Variants in FUBP3 observed in about 807,000 individuals in gnomAD.
FUBP3 encodes the protein far upstream element binding protein 3.
Under a neutral mutation model 85.6 loss-of-function variants are expected in FUBP3, and 28 were observed. The ratio of observed to expected loss-of-function variants is 0.33; its 90% CI spans 0.24 to 0.45. The LOEUF (loss-of-function observed/expected upper bound fraction) is 0.45, where lower values mean the gene tolerates loss of function less well. FUBP3 is among the 20% of genes least tolerant of loss of function. FUBP3 has a pLI of 1.00. For missense variants in FUBP3, 583 were observed against 755.1 expected (o/e 0.77, Z 2.67); for synonymous variants, 271 against 271.4 (o/e 1.00, Z 0.01).
chr9:130,609,948 C>T lies in FUBP3; in HGVS notation c.191-6C>T. ...GATTTTTTTTTTCTCTTTCTCTTTG[C>T]CACAGTAGGTAACCAGTTAGGGGCC... On this transcript the variant is annotated splice_region_variant and splice_polypyrimidine_tract_variant and intron_variant, in intron 2 of 18. Transcript: ENST00000319725. 6.2e-7 allele frequency: 1 copy of T among 1,605,468 alleles called. No homozygotes were observed. Among genetic ancestry groups the T allele is most frequent in the Non-Finnish European group, 8.5e-7 (1 of 1,173,178 alleles).
chr9:130,589,956 T>C (rs1830545432), intron 1 of FUBP3, among the ~76,000 whole-genome samples: 1 of 145,326 alleles, frequency 6.9e-6, no homozygotes, highest in African/African-American at 2.6e-5. Context: ...GCTCAAACGA[T>C]CCTCCTACCC....
At chr9:130,624,074 C>T (rs1829867370) in intron 11 of FUBP3, among the ~76,000 whole-genome samples, 1 of 152,178 alleles carries the variant, frequency 6.6e-6, no homozygotes, top group Non-Finnish European at 1.5e-5. Context: ...ACTTCAGGGT[C>T]CTCCAAAGTC....
chr9:130,630,539 C>T lies in FUBP3; in HGVS notation c.1118-89C>T, dbSNP rs1279455755. The T allele has an allele frequency of 1.4e-5, 15 of 1,048,948 alleles. No homozygotes were observed. The Admixed American group carries it at 2.5e-4, about 17-fold the overall frequency. The allele number at this position is 1,048,948 out of a possible 1,614,324, so 65.0% of individuals were successfully genotyped here. ...AGTGCCGACGTGCACAAAATCCCCC[C>T]GAGTTGTCTTCTGGAGCCAAGTGCC... is the stretch of plus-strand genomic sequence containing the variant. On this transcript the variant is annotated intron_variant, in intron 12 of 18. Coordinates refer to ENST00000319725, the MANE Select transcript of FUBP3 (RefSeq NM_003934.2).
intron 18 of FUBP3, among the ~76,000 whole-genome samples, chr9:130,636,609 T>G (rs1378575177): frequency 6.6e-6 from 1 of 152,218 alleles, no homozygotes; most frequent in Non-Finnish European, 1.5e-5. Flanking sequence ...CCTAGAGGGT[T>G]CTGTTCAGAG....
rs996512928 is a variant in FUBP3 at position 130,612,229 on chromosome 9, C to A, written c.225-227C>A. Among the ~76,000 whole-genome samples, 1 of 152,150 alleles carries A rather than the reference C, an allele frequency of 6.6e-6. No individual in the cohort carries two copies. Among genetic ancestry groups the A allele is most frequent in the African/African-American group, 2.4e-5 (1 of 41,428 alleles). ...TTTCATGAAAACCCTGAGGTTTCTT[C>A]CTCTGACAAAAGGAGATGAAAGGCT... On this transcript the variant is annotated intron_variant, in intron 3 of 18. Transcript: ENST00000319725. The surrounding 1 kb of genome is among the most constrained non-coding windows in gnomAD (Gnocchi z 4.1).
At chr9:130,614,677 G>C (rs1831911899) in intron 6 of FUBP3, among the ~76,000 whole-genome samples, 1 of 152,148 alleles carries the variant, frequency 6.6e-6, no homozygotes, top group African/African-American at 2.4e-5. Context: ...AGCAGGTCTG[G>C]ATTAGTAAGC....
intron 12 of FUBP3, 127 bp from the exon 13 acceptor site, chr9:130,630,501 T>C (rs11791722): frequency 0.042 from 26,529 of 629,118 alleles, 692 homozygotes; most frequent in Non-Finnish European, 0.053. Flanking sequence ...ACAACTTCTC[T>C]ACTGTCAGGG....
At chr9:130,591,957 C>T (rs1271529041) in intron 1 of FUBP3, among the ~76,000 whole-genome samples, 1 of 152,286 alleles carries the variant, frequency 6.6e-6, no homozygotes, top group African/African-American at 2.4e-5. Flanking sequence ...AAGGGCCAGG[C>T]GCAGTGGCTT....
intron 2 of FUBP3, among the ~76,000 whole-genome samples, chr9:130,600,318 T>G (rs1455516425): frequency 6.6e-6 from 1 of 152,118 alleles, no homozygotes; most frequent in Non-Finnish European, 1.5e-5. Flanking sequence ...TGGCTTCATT[T>G]CCCATGGACT....
At chr9:130,631,020 C>T in intron 13 of FUBP3, 1 of 655,914 alleles carries the variant, frequency 1.5e-6, no homozygotes, top group Non-Finnish European at 2.2e-6. Context: ...AAGGCCGCAG[C>T]AGCCGAGGCC....
intron 2 of FUBP3, among the ~76,000 whole-genome samples, chr9:130,597,682 C>T (rs539915784): frequency 1.1e-3 from 173 of 152,110 alleles, no homozygotes; most frequent in South Asian, 4.4e-3. Context: ...AGTCCCCAGA[C>T]GCTGAGATCA....
chr9:130,610,608 G>C (rs1447445202), intron 3 of FUBP3, among the ~76,000 whole-genome samples: 1 of 152,238 alleles, frequency 6.6e-6, no homozygotes, highest in African/African-American at 2.4e-5. Context: ...GATGGGGTAT[G>C]TGTGGTCATA....
At position 130,579,692 on chromosome 9, in the gene FUBP3, G is replaced by A; in HGVS notation, c.12G>A (p.Leu4=). 3 of 1,260,670 alleles carry A rather than the reference G, an allele frequency of 2.4e-6. No individual in the cohort carries two copies. In the East Asian group the frequency reaches 9.0e-5, roughly 38 times the overall value. 78.1% of individuals were successfully genotyped at this position (1,260,670 alleles called of 1,614,324 possible). The change falls in exon 1 of 19, where the codon CTG becomes CTA. Residue 4 remains leucine (L), a synonymous_variant. Coordinates refer to ENST00000319725, the MANE Select transcript of FUBP3 (RefSeq NM_003934.2). Reference sequence around the variant, plus strand: ...CGGCGGGGGCGGTAATGGCGGAGCTGGTGCAGGGGCAGAGCGCTCCTGTGG... The same window carrying A: ...CGGCGGGGGCGGTAATGGCGGAGCTAGTGCAGGGGCAGAGCGCTCCTGTGG... The part of the protein sequence containing the change: MAE[L]VQGQSAPVGM...
chr9:130,608,981 T>G lies in FUBP3; in HGVS notation c.191-973T>G, dbSNP rs1452990504. 2.0e-5 allele frequency among the ~76,000 whole-genome samples: 3 copies of G among 152,210 alleles called. No individual in the cohort carries two copies. In the East Asian group the frequency reaches 5.8e-4, roughly 29 times the overall value. On this transcript the variant is annotated intron_variant, in intron 2 of 18. Coordinates refer to ENST00000319725, the MANE Select transcript of FUBP3 (RefSeq NM_003934.2). ...TCCTCAAGTGGGTGTAATCGATCCT[T>G]TGCGACTTAGCTCATGTCCTTAGAA...
chr9:130,626,514 C>T lies in FUBP3; in HGVS notation c.1117+9C>T. The T allele has an allele frequency of 1.2e-6, 2 of 1,613,010 alleles. No homozygotes were observed. Among genetic ancestry groups the T allele is most frequent in the Non-Finnish European group, 1.7e-6 (2 of 1,179,116 alleles). On this transcript the variant is annotated intron_variant, in intron 12 of 18. Transcript: ENST00000319725. ...CCTCGTCATAGGCAAAGGTAAGAGGCAGCTGGGGTTTCACATCCCCCCTCA... is the reference window on the plus strand; with the variant it reads ...CCTCGTCATAGGCAAAGGTAAGAGGTAGCTGGGGTTTCACATCCCCCCTCA...
At chr9:130,628,085 C>T (rs1010245815) in intron 12 of FUBP3, among the ~76,000 whole-genome samples, 14 of 125,318 alleles carry the variant, frequency 1.1e-4, no homozygotes, top group African/African-American at 3.7e-4. Flanking sequence ...ACTAAACACA[C>T]GCACGCACGC....
intron 10 of FUBP3, 27 bp downstream of exon 10, chr9:130,622,837 A>T: frequency 1.8e-6 from 2 of 1,087,316 alleles, no homozygotes; most frequent in South Asian, 1.4e-5. Context: ...AAAAATCCTT[A>T]GTGTTAAAAA....
rs1830471400 is a variant in FUBP3 at position 130,637,927 on chromosome 9, T to C, written c.*905T>C. 6.6e-6 allele frequency: 1 copy of C among 152,640 alleles called. No homozygotes were observed. The highest frequency in any genetic ancestry group is 6.5e-5 in the Admixed American group (1 of 15,278). 9.5% of individuals were successfully genotyped at this position (152,640 alleles called of 1,614,324 possible). ...CCAAGGTGTTGTTTGCTTTTTTCTT[T>C]TAAATATTTTCTTAATATTTTGTCA... On this transcript the variant is annotated 3_prime_UTR_variant, in exon 19 of 19. Coordinates refer to ENST00000319725, the MANE Select transcript of FUBP3 (RefSeq NM_003934.2).
In FUBP3 at chr9:130,595,571, G is replaced by A. The variant is rs768219076; in HGVS notation, c.173G>A (p.Arg58Gln). 8.5e-6 allele frequency: 13 copies of A among 1,527,222 alleles called. No homozygotes were observed. The highest frequency in any genetic ancestry group is 1.4e-5 in the African/African-American group (1 of 73,292). 94.6% of individuals were successfully genotyped at this position (1,527,222 alleles called of 1,614,324 possible). A position where few individuals can be genotyped will look rare whatever the true frequency, so the allele number is the denominator to read the frequency against. The change falls in exon 2 of 19, where the codon CGG becomes CAG. Residue 58 changes from arginine (R) to glutamine (Q), a missense_variant. Around this residue, in one of 3 missense-constraint regions of FUBP3, gnomAD observed 177 missense variants for 221.9 expected, o/e 0.80. Coordinates refer to ENST00000319725, the MANE Select transcript of FUBP3 (RefSeq NM_003934.2). ...GTATATGGATACGGAGTACAAAAAC[G>A]GCCCTTGGATGATGGAGGTAAGTTG... ...PSVYGYGVQK[R>Q]PLDDGVGNQL...
Sources: allele counts gnomAD v4.1 joint callset (sites outside exome capture counted in the v4.1 genomes callset), GRCh38; gene constraint gnomAD v4.1.1; regional missense constraint gnomAD v4.1.1; non-coding constraint Gnocchi (gnomAD v3.1); transcripts MANE v1.5; gene names NCBI Gene and HGNC (gene_info 2026-07-23, HGNC 2026-07-21).